Variants in BANF2 observed in about 807,000 individuals in gnomAD.
BANF2 encodes the protein barrier-to-autointegration factor-like protein.
BANF2 carries 4 observed loss-of-function variants against 8.0 expected under a neutral mutation model. The ratio of observed to expected loss-of-function variants is 0.50; its 90% CI spans 0.25 to 1.14. The LOEUF (loss-of-function observed/expected upper bound fraction) is 1.14, where lower values mean the gene tolerates loss of function less well. Ranked by LOEUF, BANF2 falls within the 50% of genes most tolerant of loss-of-function variation. BANF2 has a pLI of 0.16. For synonymous variants in BANF2, 50 were observed against 40.6 expected (o/e 1.23, Z -0.88); for missense variants, 96 against 107.5 (o/e 0.89, Z 0.47).
intron 1 of BANF2, among the ~76,000 whole-genome samples, chr20:17,704,716 A>T (rs1177879495): frequency 6.6e-6 from 1 of 152,248 alleles, no homozygotes; most frequent in Non-Finnish European, 1.5e-5. Context: ...TCTTTCAGTT[A>T]GGATTAGAAA....
chr20:17,730,476 GCT>G (rs1324143808), intron 3 of BANF2, among the ~76,000 whole-genome samples: 1 of 152,004 alleles, frequency 6.6e-6, no homozygotes, highest in East Asian at 1.9e-4. Flanking sequence ...GGCTTGCTCT[GCT>G]CTCTCTCGCC....
intron 2 of BANF2, 74 bp from the exon 3 acceptor site, chr20:17,724,949 G>T (rs919811048): frequency 9.1e-6 from 13 of 1,435,424 alleles, no homozygotes; most frequent in Non-Finnish European, 1.2e-5. Flanking sequence ...GGCTGAGGGA[G>T]TTCCCCAGTG....
chr20:17,722,908 G>T, intron 2 of BANF2, 30 bp downstream of exon 2: 1 of 977,082 alleles, frequency 1.0e-6, no homozygotes, highest in Non-Finnish European at 1.2e-6. Flanking sequence ...CAGGAGAGGG[G>T]ATGGGGCTGT....
At chr20:17,699,946 C>G (rs991652497), upstream of BANF2, 4 of 980,214 alleles carry the variant, frequency 4.1e-6, no homozygotes, top group Non-Finnish European at 4.8e-6. Flanking sequence ...GATCTTGAGA[C>G]TGATTTGCCC....
At position 17,730,425 on chromosome 20, in the gene BANF2, C is replaced by A. The variant is rs145004826; in HGVS notation, c.127-5240C>A. On this transcript the variant is annotated intron_variant, in intron 3 of 3. Coordinates refer to ENST00000246090, the MANE Select transcript of BANF2 (RefSeq NM_178477.5). ...GCGGCTTCTCTTACCTCCTTACCGGCGAGGCTCTGCTCTCCCTCGCCCTCA... is the reference window on the plus strand; with the variant it reads ...GCGGCTTCTCTTACCTCCTTACCGGAGAGGCTCTGCTCTCCCTCGCCCTCA... Among the ~76,000 whole-genome samples, 36 of 152,190 alleles carry A rather than the reference C, an allele frequency of 2.4e-4. No homozygotes were observed. In the East Asian group the frequency reaches 3.3e-3, roughly 14 times the overall value.
intron 3 of BANF2, among the ~76,000 whole-genome samples, chr20:17,726,959 A>G (rs2037817728): frequency 6.6e-6 from 1 of 152,118 alleles, no homozygotes; most frequent in Non-Finnish European, 1.5e-5. Context: ...CAAAATATTC[A>G]TTTCCTTGTG....
At chr20:17,711,642 G>C (rs893276117) in intron 1 of BANF2, among the ~76,000 whole-genome samples, 1 of 152,168 alleles carries the variant, frequency 6.6e-6, no homozygotes, top group Non-Finnish European at 1.5e-5. Context: ...TGAGACAAGG[G>C]GGTTAGGGTT....
chr20:17,729,043 T>C (rs532199199), intron 3 of BANF2, among the ~76,000 whole-genome samples: 1 of 152,202 alleles, frequency 6.6e-6, no homozygotes, highest in Non-Finnish European at 1.5e-5. Flanking sequence ...CTGTGGCTAC[T>C]AGGAAAATCA....
chr20:17,731,082 G>T (rs2037887271), intron 3 of BANF2: 1 of 152,156 alleles, frequency 6.6e-6, no homozygotes, highest in South Asian at 2.1e-4. Flanking sequence ...TGGCCAACAT[G>T]GTGAAATCCC....
chr20:17,727,351 C>T (rs551744941), intron 3 of BANF2, among the ~76,000 whole-genome samples: 35 of 152,192 alleles, frequency 2.3e-4, no homozygotes, highest in Non-Finnish European at 4.4e-4. Context: ...AGATGAGGGT[C>T]ACTCTCTCCA....
At chr20:17,730,595 A>G (rs2037880390) in intron 3 of BANF2, among the ~76,000 whole-genome samples, 1 of 151,332 alleles carries the variant, frequency 6.6e-6, no homozygotes, top group African/African-American at 2.4e-5. Flanking sequence ...CTACCTCTAG[A>G]CTCTCCATGC....
At chr20:17,696,716 C>T (rs2037348834), upstream of BANF2, among the ~76,000 whole-genome samples, 1 of 152,126 alleles carries the variant, frequency 6.6e-6, no homozygotes, top group South Asian at 2.1e-4. Context: ...CTTCATTCTT[C>T]CTCTAGCCAA....
At chr20:17,707,313 G>A (rs1242011922) in intron 1 of BANF2, among the ~76,000 whole-genome samples, 1 of 151,554 alleles carries the variant, frequency 6.6e-6, no homozygotes, top group Non-Finnish European at 1.5e-5. Context: ...AACCCAGGAG[G>A]TGGAGCTTGC....
At chr20:17,717,562 A>G (rs1209349051) in intron 1 of BANF2, among the ~76,000 whole-genome samples, 3 of 152,212 alleles carry the variant, frequency 2.0e-5, no homozygotes, top group African/African-American at 7.2e-5. Context: ...CTATATGGTC[A>G]TTAGGGTTAG....
At chr20:17,722,625 C>A (rs565605766) in intron 1 of BANF2, 91 bp from the exon 2 acceptor site, 5 of 630,892 alleles carry the variant, frequency 7.9e-6, no homozygotes, top group African/African-American at 2.0e-5. Context: ...AAAGAGAGGT[C>A]GATGCCCTCG....
At chr20:17,694,599 CTCTTTTTTTTTTTTTTTTT>C (rs1327860265) in intron 1 of BANF2, among the ~76,000 whole-genome samples, 5 of 82,780 alleles carry the variant, frequency 6.0e-5, no homozygotes, top group South Asian at 6.3e-4. Context: ...TTTTTTCTCT[CTCTTTTTTTTTTTTTTTTT>C]TTTTTTTTTT....
At chr20:17,725,206 G>A in intron 3 of BANF2, 55 bp downstream of exon 3, 1 of 1,552,716 alleles carries the variant, frequency 6.4e-7, no homozygotes, top group Non-Finnish European at 8.9e-7. Context: ...TCTTCCCCCA[G>A]TCCTGCCAGA....
At chr20:17,718,703 T>A (rs1283348792) in intron 1 of BANF2, among the ~76,000 whole-genome samples, 1 of 152,184 alleles carries the variant, frequency 6.6e-6, no homozygotes, top group African/African-American at 2.4e-5. Flanking sequence ...CTTTTAAAAA[T>A]AACCTTAAAG....
At chr20:17,724,496 G>C (rs1390267110) in intron 2 of BANF2, among the ~76,000 whole-genome samples, 1 of 152,190 alleles carries the variant, frequency 6.6e-6, no homozygotes, top group Non-Finnish European at 1.5e-5. Context: ...CAATCCCTGA[G>C]GAATGGCGCT....
Sources: gnomAD v4.1 joint callset for allele counts (sites outside exome capture counted in the v4.1 genomes callset) on GRCh38, gnomAD v4.1.1 for gene constraint, MANE v1.5 for transcripts, NCBI Gene and HGNC (gene_info 2026-07-23, HGNC 2026-07-21) for gene names.